Variants in SPRED2 observed in about 807,000 individuals in gnomAD.
SPRED2 encodes the protein sprouty related EVH1 domain containing 2.
In SPRED2, 47 loss-of-function variants were observed where a neutral mutation model predicts 43.0. That is an observed-to-expected ratio of 1.09 (90% CI 0.87 to 1.40). SPRED2 has a LOEUF of 1.40. SPRED2 is among the 40% of genes most tolerant of loss of function. SPRED2 has a pLI of 0.00. For missense variants in SPRED2, 561 were observed against 586.4 expected (o/e 0.96, Z 0.45); for synonymous variants, 225 against 225.7 (o/e 1.00, Z 0.03).
rs1668880701 is a variant in SPRED2, at chr2:65,432,112, G to C, written c.-125C>G. The C allele has an allele frequency of 1.7e-5, 21 of 1,241,946 alleles. No homozygotes were observed. The highest frequency in any genetic ancestry group is 3.0e-5 in the African/African-American group (2 of 67,492). 76.9% of individuals were successfully genotyped at this position (1,241,946 alleles called of 1,614,324 possible). On this transcript the variant is annotated 5_prime_UTR_variant, in exon 1 of 6. It adds an upstream start codon to the 5' untranslated region. Transcript: ENST00000356388. ...GATTTGGGGAGGGGGGGCGGCTAGA[G>C]ATGAAGAGGGCGCCGCAGCAGAAGG...
intron 4 of SPRED2, among the ~76,000 whole-genome samples, chr2:65,329,095 G>T (rs1361738500): frequency 6.6e-6 from 1 of 152,196 alleles, no homozygotes; most frequent in African/African-American, 2.4e-5. Context: ...CAACACCTGA[G>T]GTGGATGGGA....
chr2:65,342,019 C>T (rs2104254570), intron 2 of SPRED2, among the ~76,000 whole-genome samples: 1 of 151,744 alleles, frequency 6.6e-6, no homozygotes, highest in African/African-American at 2.4e-5. Context: ...AGAGGGCATA[C>T]ACATGAAGGA....
At chr2:65,360,367 C>A (rs1440214319) in intron 1 of SPRED2, among the ~76,000 whole-genome samples, 1 of 152,238 alleles carries the variant, frequency 6.6e-6, no homozygotes, top group Non-Finnish European at 1.5e-5. Context: ...AACTGCCGCA[C>A]ACCCAGCAGT....
chr2:65,398,145 A>G (rs1407664864), intron 1 of SPRED2, among the ~76,000 whole-genome samples: 1 of 152,200 alleles, frequency 6.6e-6, no homozygotes, highest in Non-Finnish European at 1.5e-5. Context: ...GAAAAAGAAC[A>G]CCCTATTCAA....
intron 5 of SPRED2, 86 bp downstream of exon 5, chr2:65,316,648 A>C: frequency 6.7e-7 from 1 of 1,489,138 alleles, no homozygotes; most frequent in South Asian, 1.3e-5. Context: ...TGGTCATGGA[A>C]TTTGGCTGAA....
Position 65,314,211 on chromosome 2 carries a change from A to G in SPRED2, c.589-42T>C, listed in dbSNP as rs1673171140. 2.0e-6 allele frequency: 3 copies of G among 1,520,554 alleles called. No homozygotes were observed. In the South Asian group the frequency reaches 3.9e-5, roughly 20 times the overall value. 94.2% of individuals were successfully genotyped at this position (1,520,554 alleles called of 1,614,324 possible). A position where few individuals can be genotyped will look rare whatever the true frequency, so the allele number is the denominator to read the frequency against. On this transcript the variant is annotated intron_variant, in intron 5 of 5. Transcript: ENST00000356388. The stretch of plus-strand genomic sequence containing the variant: ...GAGACATTATTTTACAGCAGCGGCC[A>G]AAAAACAAACAAACAAAAAAACACC...
chr2:65,334,782 TG>T lies in SPRED2; in HGVS notation c.205-10del. 3 of 1,614,126 alleles carry T rather than the reference TG, an allele frequency of 1.9e-6. No homozygotes were observed. The highest frequency in any genetic ancestry group is 2.5e-6 in the Non-Finnish European group (3 of 1,179,992). On this transcript the variant is annotated splice_polypyrimidine_tract_variant and intron_variant, in intron 2 of 5. Coordinates refer to ENST00000356388, the MANE Select transcript of SPRED2 (RefSeq NM_181784.3). ...TAGCATTCCAATACCACCTGAAGGA[TG>T]GAAACACACAGGCTGGTTACTAGTG... is the stretch of plus-strand genomic sequence containing the variant.
intron 4 of SPRED2, among the ~76,000 whole-genome samples, chr2:65,325,370 C>T (rs1673579775): frequency 1.3e-5 from 2 of 152,208 alleles, no homozygotes; most frequent in Non-Finnish European, 2.9e-5. Flanking sequence ...GGAGCTAGAC[C>T]ACATCATTCA....
intron 1 of SPRED2, among the ~76,000 whole-genome samples, chr2:65,398,945 G>A (rs980917624): frequency 6.6e-6 from 1 of 152,150 alleles, no homozygotes; most frequent in African/African-American, 2.4e-5. Flanking sequence ...CAAAAATATG[G>A]AACCACCCCA....
intron 1 of SPRED2, among the ~76,000 whole-genome samples, chr2:65,363,014 T>TG (rs1553421955): frequency 4.6e-4 from 35 of 76,030 alleles, no homozygotes; most frequent in Middle Eastern, 7.4e-3. Flanking sequence ...TGTTTTTTTT[T>TG]TTTTTTTTTT....
Position 65,325,104 on chromosome 2 carries a change from A to G in SPRED2, c.438+6883T>C, listed in dbSNP as rs1673570799. ...TCCCATCCAGTACATGGGTGAGACT[A>G]TTAGAGGGCTGGCAATGTGTAATTT... On this transcript the variant is annotated intron_variant, in intron 4 of 5. Transcript: ENST00000356388. Among the ~76,000 whole-genome samples, 5 of 152,224 alleles carry G rather than the reference A, an allele frequency of 3.3e-5. No individual in the cohort carries two copies. The South Asian group carries it at 1.0e-3, about 32-fold the overall frequency.
chr2:65,403,978 G>T lies in SPRED2; in HGVS notation c.26+27984C>A, dbSNP rs1212794765. Reference sequence around the variant, plus strand: ...CCAGTACTTTGGGAGGCCGAGGCAGGTGGATCACCTTAGGTCAGGAGTTAG... The same window carrying T: ...CCAGTACTTTGGGAGGCCGAGGCAGTTGGATCACCTTAGGTCAGGAGTTAG... On this transcript the variant is annotated intron_variant, in intron 1 of 5. Coordinates refer to ENST00000356388, the MANE Select transcript of SPRED2 (RefSeq NM_181784.3). Among the ~76,000 whole-genome samples, 3 of 152,182 alleles carry T rather than the reference G, an allele frequency of 2.0e-5. No homozygotes were observed. In the East Asian group the frequency reaches 5.8e-4, roughly 29 times the overall value.
intron 1 of SPRED2, among the ~76,000 whole-genome samples, chr2:65,416,430 T>G (rs1676276016): frequency 6.6e-6 from 1 of 152,188 alleles, no homozygotes; most frequent in Admixed American, 6.5e-5. Context: ...ACTGTTGTAC[T>G]GCTCCATCCT....
intron 1 of SPRED2, among the ~76,000 whole-genome samples, chr2:65,390,971 C>T (rs138305858): frequency 0.028 from 4,178 of 151,818 alleles, 130 homozygotes; most frequent in Middle Eastern, 0.095. Context: ...GCCTGTAGTC[C>T]CAGCTACTTG....
chr2:65,343,010 G>A (rs760399847), intron 2 of SPRED2, among the ~76,000 whole-genome samples: 9 of 152,184 alleles, frequency 5.9e-5, no homozygotes, highest in Middle Eastern at 3.4e-3. Context: ...TTCAGTTTTG[G>A]GGTCAGAGTG....
intron 1 of SPRED2, among the ~76,000 whole-genome samples, chr2:65,417,615 G>A (rs1368084391): frequency 6.6e-6 from 1 of 152,166 alleles, no homozygotes; most frequent in African/African-American, 2.4e-5. Flanking sequence ...TGAGGGTTCA[G>A]TAACTCAAAG....
intron 4 of SPRED2, among the ~76,000 whole-genome samples, chr2:65,326,986 G>A (rs1673642027): frequency 6.6e-6 from 1 of 152,012 alleles, no homozygotes; most frequent in Non-Finnish European, 1.5e-5. Flanking sequence ...GACCACAGGA[G>A]CACATCACCA....
chr2:65,341,382 G>A (rs1321297449), intron 2 of SPRED2, among the ~76,000 whole-genome samples: 2 of 151,838 alleles, frequency 1.3e-5, no homozygotes, highest in Non-Finnish European at 2.9e-5. Flanking sequence ...AGGGGATGAG[G>A]CACACTTTTA....
intron 1 of SPRED2, among the ~76,000 whole-genome samples, chr2:65,358,163 T>C (rs748762289): frequency 6.6e-6 from 1 of 152,124 alleles, no homozygotes; most frequent in Non-Finnish European, 1.5e-5. Flanking sequence ...GACTAACAGA[T>C]ATGTTCTCTC....
Sources: allele counts gnomAD v4.1 joint callset (sites outside exome capture counted in the v4.1 genomes callset), GRCh38; gene constraint gnomAD v4.1.1; transcripts MANE v1.5; gene names NCBI Gene and HGNC (gene_info 2026-07-23, HGNC 2026-07-21).